Variants in TENM2 observed in about 807,000 individuals in gnomAD.
The protein encoded by TENM2 is teneurin transmembrane protein 2.
Under a neutral mutation model 245.2 loss-of-function variants are expected in TENM2, and 52 were observed. The observed-to-expected ratio is 0.21, with a 90% CI of 0.17 to 0.27. The LOEUF is 0.27. Ranked by LOEUF, TENM2 falls within the 10% of genes least tolerant of loss-of-function variation. The probability of loss-of-function intolerance (pLI) is 1.00; values close to 1 mark genes in which losing one functional copy is unlikely to be tolerated. For missense variants in TENM2, 3,046 were observed against 3,666.8 expected, an observed-to-expected ratio of 0.83 and a Z score of 4.37; for synonymous variants, 1,363 against 1,438.9, an observed-to-expected ratio of 0.95 and a Z score of 1.19.
At chr5:167,902,803 C>G (rs11746548) in intron 3 of TENM2, among the ~76,000 whole-genome samples, 36,675 of 152,104 alleles carry the variant, frequency 0.24, 4,874 homozygotes, top group East Asian at 0.48. Flanking sequence ...TACTCCCCCA[C>G]TTTATATAAA....
chr5:167,600,669 T>C (rs1417089710), intron 2 of TENM2, among the ~76,000 whole-genome samples: 1 of 152,180 alleles, frequency 6.6e-6, no homozygotes, highest in Non-Finnish European at 1.5e-5. Flanking sequence ...CAGAGGCATT[T>C]TCAGTCACTA....
chr5:167,791,664 A>G (rs1294075157), intron 2 of TENM2, among the ~76,000 whole-genome samples: 1 of 151,754 alleles, frequency 6.6e-6, no homozygotes, highest in Non-Finnish European at 1.5e-5. Flanking sequence ...AATCAGGAAG[A>G]GAGATCTAGT....
At chr5:167,445,009 A>G (rs1033648188) in intron 2 of TENM2, among the ~76,000 whole-genome samples, 4 of 152,036 alleles carry the variant, frequency 2.6e-5, no homozygotes, top group Non-Finnish European at 5.9e-5. Context: ...GCTAGGGTTG[A>G]TTTGAGCATT....
the TENM2 span, among the ~76,000 whole-genome samples, chr5:167,177,846 A>T: frequency 2.0e-5 from 3 of 152,212 alleles, no homozygotes; most frequent in African/African-American, 7.2e-5. Flanking sequence ...CTGTTTAATT[A>T]AATGAAAGCC....
chr5:167,599,376 C>T (rs1343702263), intron 2 of TENM2, among the ~76,000 whole-genome samples: 1 of 152,094 alleles, frequency 6.6e-6, no homozygotes, highest in African/African-American at 2.4e-5. Flanking sequence ...AAACCACCTA[C>T]AACCTAATGT....
chr5:168,244,657 C>T lies in TENM2; in HGVS notation c.5758C>T (p.Arg1920Cys), dbSNP rs1766389836. Residue 1920 changes from arginine (R) to cysteine (C), a missense_variant, in exon 26 of 29, where the codon CGC becomes TGC. Arg to Cys is a radical substitution (Grantham distance 180). Around this residue, in one of 2 missense-constraint regions of TENM2, gnomAD observed 2,704 missense variants for 3,331.9 expected, o/e 0.81. Transcript: ENST00000518659. The surrounding 1 kb of genome is among the most constrained non-coding windows in gnomAD (Gnocchi z 4.9). ...GAGGACAGACATCGACAAGCAAGGCCGCATCGTGTCCCGCATGTTCGCTGA... is the reference window on the plus strand; with the variant it reads ...GAGGACAGACATCGACAAGCAAGGCTGCATCGTGTCCCGCATGTTCGCTGA... The T allele has an allele frequency of 1.0e-5, 16 of 1,543,110 alleles. No homozygotes were observed. Among genetic ancestry groups the T allele is most frequent in the Admixed American group, 9.3e-5 (5 of 53,970 alleles).
chr5:167,692,083 C>T (rs1302126797), intron 2 of TENM2, among the ~76,000 whole-genome samples: 1 of 151,992 alleles, frequency 6.6e-6, no homozygotes, highest in Non-Finnish European at 1.5e-5. Flanking sequence ...CCCTCTTTGC[C>T]ACCCCGGAAT....
intron 2 of TENM2, among the ~76,000 whole-genome samples, chr5:167,768,382 T>G (rs561021297): frequency 6.6e-6 from 1 of 152,260 alleles, no homozygotes; most frequent in Admixed American, 6.5e-5. Flanking sequence ...ACATCCCCCA[T>G]TAGTGCCTTG....
chr5:167,662,615 C>T (rs777352136), intron 2 of TENM2, among the ~76,000 whole-genome samples: 4 of 152,112 alleles, frequency 2.6e-5, no homozygotes, highest in Non-Finnish European at 4.4e-5. Context: ...TACTTGTTTC[C>T]CATGAAAATG....
intron 3 of TENM2, among the ~76,000 whole-genome samples, chr5:167,913,563 G>A (rs1776707008): frequency 6.6e-6 from 1 of 152,140 alleles, no homozygotes; most frequent in Admixed American, 6.5e-5. Flanking sequence ...AATATCTTCA[G>A]CATTGATCTA....
chr5:167,724,319 GTGACTT>G (rs1287559769), intron 2 of TENM2, among the ~76,000 whole-genome samples: 1 of 150,686 alleles, frequency 6.6e-6, no homozygotes, highest in African/African-American at 2.4e-5. Flanking sequence ...TACTTACTGT[GTGACTT>G]TGGGCAAGTT....
At chr5:167,719,724 T>A (rs1759499559) in intron 2 of TENM2, among the ~76,000 whole-genome samples, 2 of 152,204 alleles carry the variant, frequency 1.3e-5, no homozygotes, top group South Asian at 2.1e-4. Context: ...AGTGGCGATT[T>A]TGCCACCTCA....
intron 2 of TENM2, among the ~76,000 whole-genome samples, chr5:167,874,672 C>T (rs573320035): frequency 6.6e-6 from 1 of 152,264 alleles, no homozygotes; most frequent in South Asian, 2.1e-4. Flanking sequence ...TGCAAAGGCC[C>T]CAAGATGGAA....
At chr5:168,090,650 A>G (rs1792863224) in exon 8 of TENM2, 1 of 1,613,824 alleles carries the variant, frequency 6.2e-7, no homozygotes, top group Non-Finnish European at 8.5e-7. Flanking sequence ...CGGAGCATAC[A>G]GACCTTGGTT....
chr5:167,208,033 C>T, the TENM2 span, among the ~76,000 whole-genome samples: 9 of 152,330 alleles, frequency 5.9e-5, no homozygotes, highest in African/African-American at 2.4e-5. Context: ...GGATTACAGG[C>T]GTGAGCCACC....
At chr5:167,792,269 A>G (rs1198133377) in intron 2 of TENM2, among the ~76,000 whole-genome samples, 1 of 151,968 alleles carries the variant, frequency 6.6e-6, no homozygotes, top group Non-Finnish European at 1.5e-5. Flanking sequence ...AAATATGGTT[A>G]TGGCCATGAT....
chr5:167,037,342 T>G, the TENM2 span, among the ~76,000 whole-genome samples: 1 of 152,168 alleles, frequency 6.6e-6, no homozygotes, highest in Non-Finnish European at 1.5e-5. Flanking sequence ...GGCACTTAGG[T>G]AATCATTTCA....
chr5:167,322,216 T>G lies in TENM2; in HGVS notation c.226+37153T>G, dbSNP rs1236056637. Among the ~76,000 whole-genome samples, 18 of 51,038 alleles carry G rather than the reference T, an allele frequency of 3.5e-4. No homozygotes were observed. The East Asian group carries it at 5.0e-3, about 14-fold the overall frequency. 33.5% of individuals were successfully genotyped at this position (51,038 alleles called of 152,430 possible). On this transcript the variant is annotated intron_variant, in intron 1 of 28. Coordinates refer to ENST00000518659, the Ensembl canonical transcript of TENM2. ...ATTTAAGTGCTCAAAAATATTTGTT[T>G]TTTTTTTTTTGTTGCTGTTGTTTTT...
At chr5:168,053,586 A>G (rs1173411843) in intron 6 of TENM2, among the ~76,000 whole-genome samples, 5 of 152,238 alleles carry the variant, frequency 3.3e-5, no homozygotes, top group Admixed American at 3.3e-4. Context: ...GCAAATAAAA[A>G]TGATAGTATA....
Sources: gnomAD v4.1 joint callset for allele counts (sites outside exome capture counted in the v4.1 genomes callset) on GRCh38, gnomAD v4.1.1 for gene constraint, gnomAD v4.1.1 regional missense constraint, Gnocchi (gnomAD v3.1) non-coding constraint, MANE v1.5 for transcripts, NCBI Gene and HGNC (gene_info 2026-07-23, HGNC 2026-07-21) for gene names.